Variants in PCDHA5 observed in about 807,000 individuals in gnomAD.
PCDHA5 encodes protocadherin alpha-5.
A neutral mutation model predicts 61.6 loss-of-function variants in PCDHA5; 43 were observed. The observed-to-expected ratio is 0.70, with a 90% CI of 0.55 to 0.90. The LOEUF is 0.90. PCDHA5 is among the 40% of genes least tolerant of loss of function. PCDHA5 has a pLI of 0.00. For missense variants in PCDHA5, 1,298 were observed against 1,222.7 expected, an observed-to-expected ratio of 1.06 and a Z score of -0.92; for synonymous variants, 627 against 543.9, an observed-to-expected ratio of 1.15 and a Z score of -2.13.
Position 140,821,732 on chromosome 5 carries a change from G to T in PCDHA5, c.-44G>T, listed in dbSNP as rs1554128164. 6.6e-7 allele frequency: 1 copy of T among 1,525,316 alleles called. No homozygotes were observed. The highest frequency in any genetic ancestry group is 2.0e-5 in the Admixed American group (1 of 48,990). 94.5% of individuals were successfully genotyped at this position (1,525,316 alleles called of 1,614,324 possible). ...GGGAATTGAATTTACAAAATACATT[G>T]TGTGGTGATGCAATAGAAAGCTCAT... On this transcript the variant is annotated 5_prime_UTR_variant, in exon 1 of 4. Coordinates refer to ENST00000529859, the MANE Select transcript of PCDHA5 (RefSeq NM_018908.3).
intron 1 of PCDHA5, among the ~76,000 whole-genome samples, chr5:140,955,031 A>C (rs782110698): frequency 6.6e-6 from 1 of 152,166 alleles, no homozygotes; most frequent in Non-Finnish European, 1.5e-5. Flanking sequence ...TAAATAGGGA[A>C]TCTTTTCCTC....
intron 1 of PCDHA5, among the ~76,000 whole-genome samples, chr5:140,953,493 A>G (rs959606912): frequency 8.5e-5 from 13 of 152,108 alleles, no homozygotes; most frequent in Non-Finnish European, 1.5e-5. Flanking sequence ...CACAACCTTG[A>G]TCAGCTATTA....
intron 1 of PCDHA5, among the ~76,000 whole-genome samples, chr5:140,903,212 A>C (rs1387552422): frequency 6.6e-6 from 1 of 152,192 alleles, no homozygotes; most frequent in African/African-American, 2.4e-5. Flanking sequence ...CACCACATTC[A>C]TGCCAACATC....
intron 1 of PCDHA5, among the ~76,000 whole-genome samples, chr5:140,973,346 T>C (rs1554235179): frequency 1.3e-5 from 2 of 152,198 alleles, no homozygotes; most frequent in Non-Finnish European, 2.9e-5. Flanking sequence ...AGTGACATAG[T>C]AGTGAATTTA....
At position 140,853,837 on chromosome 5, in the gene PCDHA5, T is replaced by C. The variant is rs1554146872; in HGVS notation, c.2352+29710T>C. 17 of 986,750 alleles carry C rather than the reference T, an allele frequency of 1.7e-5. 2 individuals are homozygous for C. The highest frequency in any genetic ancestry group is 1.8e-5 in the Non-Finnish European group (15 of 818,856). The allele number at this position is 986,750 out of a possible 1,614,324, so 61.1% of individuals were successfully genotyped here. A position where few individuals can be genotyped will look rare whatever the true frequency, so the allele number is the denominator to read the frequency against. On this transcript the variant is annotated intron_variant, in intron 1 of 3. Transcript: ENST00000529859. ...GATGATTCTCATACAACCGAAATTT[T>C]AGATCCATAGCCCTATTTGATACTT... is the stretch of plus-strand genomic sequence containing the variant.
At chr5:140,831,731 C>A (rs1771681579) in intron 1 of PCDHA5, among the ~76,000 whole-genome samples, 1 of 152,004 alleles carries the variant, frequency 6.6e-6, no homozygotes, top group Admixed American at 6.6e-5. Flanking sequence ...TGTTATCCTC[C>A]CTTGCCTAAA....
chr5:140,895,763 T>C (rs1291731285), intron 1 of PCDHA5, among the ~76,000 whole-genome samples: 2 of 152,170 alleles, frequency 1.3e-5, no homozygotes, highest in East Asian at 1.9e-4. Context: ...TTTTCTTTCT[T>C]TATGGCTGCA....
At chr5:140,857,404 T>G (rs150677637) in intron 1 of PCDHA5, 4 of 1,597,852 alleles carry the variant, frequency 2.5e-6, no homozygotes, top group African/African-American at 1.3e-5. Context: ...ACAACGCGCC[T>G]GCGTTCGCGC....
At chr5:141,006,745 T>C (rs1554260891) in intron 3 of PCDHA5, among the ~76,000 whole-genome samples, 1 of 152,144 alleles carries the variant, frequency 6.6e-6, no homozygotes, top group Non-Finnish European at 1.5e-5. Flanking sequence ...TGATGTATTA[T>C]AAATGGAGAA....
At chr5:140,903,690 T>C (rs2070508211) in intron 1 of PCDHA5, among the ~76,000 whole-genome samples, 1 of 152,224 alleles carries the variant, frequency 6.6e-6, no homozygotes, top group African/African-American at 2.4e-5. Context: ...TGGTAAATAG[T>C]TTAAAATAGT....
chr5:140,907,761 T>C (rs1554193135), intron 1 of PCDHA5, among the ~76,000 whole-genome samples: 4 of 152,182 alleles, frequency 2.6e-5, no homozygotes, highest in African/African-American at 9.7e-5. Flanking sequence ...ATGGGCCCAT[T>C]GGGTGATGAC....
chr5:140,869,552 C>G lies in PCDHA5; in HGVS notation c.2352+45425C>G, dbSNP rs537127263. ...ATTGCGGAATCTAAGCAATCGGACT[C>G]GCGTTTTCCACTAGAGGGAGCTTCT... On this transcript the variant is annotated intron_variant, in intron 1 of 3. Transcript: ENST00000529859. 12 of 1,614,022 alleles carry G rather than the reference C, an allele frequency of 7.4e-6. No homozygotes were observed. The African/African-American group carries it at 1.5e-4, about 20-fold the overall frequency.
intron 1 of PCDHA5, among the ~76,000 whole-genome samples, chr5:140,912,613 T>A (rs183484256): frequency 5.3e-4 from 80 of 152,290 alleles, no homozygotes; most frequent in African/African-American, 1.5e-3. Flanking sequence ...TCTTGTCTGA[T>A]TACTCTGGAT....
intron 1 of PCDHA5, chr5:140,856,606 CA>C: frequency 6.3e-7 from 1 of 1,597,764 alleles, no homozygotes; most frequent in Non-Finnish European, 8.6e-7. Flanking sequence ...ACAAAAAAGA[CA>C]AAGACAAATT....
intron 1 of PCDHA5, chr5:140,869,903 C>A: frequency 1.2e-6 from 2 of 1,610,648 alleles, no homozygotes; most frequent in Non-Finnish European, 1.7e-6. Flanking sequence ...CTAAACGCCA[C>A]AGACCGAGAC....
At chr5:140,945,440 T>C (rs932464631) in intron 1 of PCDHA5, among the ~76,000 whole-genome samples, 1 of 151,948 alleles carries the variant, frequency 6.6e-6, no homozygotes, top group African/African-American at 2.4e-5. Context: ...TACAGAAATA[T>C]AAAAAACTTC....
chr5:141,003,086 G>T (rs782184121), intron 3 of PCDHA5, among the ~76,000 whole-genome samples: 7 of 152,194 alleles, frequency 4.6e-5, no homozygotes, highest in Non-Finnish European at 1.0e-4. Flanking sequence ...GAGTTTAACA[G>T]GCCTGGCATT....
At chr5:140,908,578 GTAGT>G (rs1554193408) in intron 1 of PCDHA5, among the ~76,000 whole-genome samples, 1 of 152,196 alleles carries the variant, frequency 6.6e-6, no homozygotes, top group African/African-American at 2.4e-5. Flanking sequence ...CAAAAGGAGA[GTAGT>G]TAGCTGCAGA....
At chr5:141,005,332 A>G (rs1479899678) in intron 3 of PCDHA5, among the ~76,000 whole-genome samples, 2 of 152,188 alleles carry the variant, frequency 1.3e-5, no homozygotes, top group Non-Finnish European at 2.9e-5. Context: ...ATAATAGGCC[A>G]AGGGGGTGCT....
Sources: gnomAD v4.1 joint callset for allele counts (sites outside exome capture counted in the v4.1 genomes callset) on GRCh38, gnomAD v4.1.1 for gene constraint, MANE v1.5 for transcripts, NCBI Gene and HGNC (gene_info 2026-07-23, HGNC 2026-07-21) for gene names.